MEI1: variants seen among roughly 807,000 people sequenced by gnomAD.
MEI1 encodes meiotic double-stranded break formation protein 1, also known as meiosis inhibitor protein 1.
MEI1 carries 103 observed loss-of-function variants against 146.2 expected under a neutral mutation model. The observed-to-expected ratio is 0.70, with a 90% CI of 0.60 to 0.83. MEI1 has a LOEUF of 0.83. MEI1 is among the 40% of genes least tolerant of loss of function. MEI1 has a pLI of 0.00. For missense variants in MEI1, 1,529 were observed against 1,533.0 expected (o/e 1.00, Z 0.04); for synonymous variants, 652 against 628.2 (o/e 1.04, Z -0.57).
At chr22:41,735,362 G>A (rs1482781551) in intron 11 of MEI1, among the ~76,000 whole-genome samples, 1 of 150,876 alleles carries the variant, frequency 6.6e-6, no homozygotes, top group Admixed American at 6.7e-5. Context: ...AGCCTCCCGA[G>A]TAGCTGGGAT....
At chr22:41,772,368 C>T (rs557481243) in intron 20 of MEI1, among the ~76,000 whole-genome samples, 16 of 152,158 alleles carry the variant, frequency 1.1e-4, no homozygotes, top group African/African-American at 3.4e-4. Flanking sequence ...ATTGGCTGGG[C>T]GTGGCAGCTC....
At chr22:41,762,547 C>G (rs1352848771) in intron 18 of MEI1, among the ~76,000 whole-genome samples, 1 of 145,414 alleles carries the variant, frequency 6.9e-6, no homozygotes, top group African/African-American at 2.6e-5. Flanking sequence ...GCTAATTTAA[C>G]TGATTTTTTT....
chr22:41,733,202 C>T (rs778360789), intron 11 of MEI1, among the ~76,000 whole-genome samples: 4 of 152,032 alleles, frequency 2.6e-5, no homozygotes, highest in Non-Finnish European at 5.9e-5. Context: ...GTAATCCCAG[C>T]ACTTTGGGAG....
At chr22:41,744,160 G>A (rs547206069) in intron 12 of MEI1, among the ~76,000 whole-genome samples, 174 of 151,630 alleles carry the variant, frequency 1.1e-3, no homozygotes, top group African/African-American at 4.1e-3. Flanking sequence ...CCACTGCGCT[G>A]GGCCCCTGCT....
At chr22:41,757,409 G>C (rs960875799) in intron 17 of MEI1, among the ~76,000 whole-genome samples, 13 of 151,980 alleles carry the variant, frequency 8.6e-5, no homozygotes, top group African/African-American at 2.7e-4. Flanking sequence ...TCAGGCTGGA[G>C]TGCAATGGTG....
At chr22:41,735,220 C>T (rs1458609322) in intron 11 of MEI1, among the ~76,000 whole-genome samples, 7 of 149,432 alleles carry the variant, frequency 4.7e-5, no homozygotes, top group Non-Finnish European at 1.0e-4. Flanking sequence ...CTTCGGCCTC[C>T]CAAAGTGTTT....
At chr22:41,740,977 C>T (rs985852222) in intron 11 of MEI1, among the ~76,000 whole-genome samples, 1 of 152,146 alleles carries the variant, frequency 6.6e-6, no homozygotes, top group Non-Finnish European at 1.5e-5. Context: ...GTGATGTGAT[C>T]TTGGCTCGCT....
At chr22:41,767,713 G>T (rs2074947091) in intron 19 of MEI1, 1 of 421,692 alleles carries the variant, frequency 2.4e-6, no homozygotes, top group Non-Finnish European at 5.0e-6. Flanking sequence ...GGTACCATGT[G>T]GGGCCCTGTC....
chr22:41,773,627 G>C (rs1481821546), intron 20 of MEI1, among the ~76,000 whole-genome samples: 4 of 151,286 alleles, frequency 2.6e-5, no homozygotes, highest in Admixed American at 2.0e-4. Context: ...TGTAATCCCA[G>C]CGCTTTGGGA....
intron 18 of MEI1, among the ~76,000 whole-genome samples, chr22:41,759,902 G>A (rs943480554): frequency 4.6e-5 from 7 of 152,016 alleles, no homozygotes; most frequent in African/African-American, 9.7e-5. Context: ...GGCCGGGTAC[G>A]GTGGCTCACA....
intron 18 of MEI1, among the ~76,000 whole-genome samples, chr22:41,761,922 G>C (rs954952643): frequency 6.6e-6 from 1 of 152,168 alleles, no homozygotes; most frequent in African/African-American, 2.4e-5. Flanking sequence ...TATCATTTTA[G>C]AAGTCCATCC....
rs548003459 is a variant in MEI1 at position 41,719,647 on chromosome 22, A to G, written c.733+1373A>G. Among the ~76,000 whole-genome samples, 4 of 152,314 alleles carry G rather than the reference A, an allele frequency of 2.6e-5. No homozygotes were observed. In the South Asian group the frequency reaches 8.3e-4, roughly 32 times the overall value. On this transcript the variant is annotated intron_variant, in intron 6 of 30. Coordinates refer to ENST00000401548, the MANE Select transcript of MEI1 (RefSeq NM_152513.4). ...CCTGATACCGCTGCATTGGGGATTC[A>G]GTTTCCAACACATGAACTTTGGGGA...
chr22:41,749,574 C>A (rs2073602544), intron 15 of MEI1, among the ~76,000 whole-genome samples: 1 of 152,172 alleles, frequency 6.6e-6, no homozygotes, highest in Non-Finnish European at 1.5e-5. Flanking sequence ...CACGCCTGGC[C>A]TGGAATTTGG....
chr22:41,704,504 C>A (rs1316642315), intron 2 of MEI1, among the ~76,000 whole-genome samples: 1 of 151,842 alleles, frequency 6.6e-6, no homozygotes, highest in Non-Finnish European at 1.5e-5. Context: ...ACCTCCACCT[C>A]CTGAGTTCAA....
intron 26 of MEI1, among the ~76,000 whole-genome samples, chr22:41,790,259 T>G (rs1335727066): frequency 6.6e-6 from 1 of 152,152 alleles, no homozygotes; most frequent in African/African-American, 2.4e-5. Context: ...ATTTTTTGTA[T>G]GTTTAGTAGA....
chr22:41,770,828 G>C lies in MEI1; in HGVS notation c.2411G>C (p.Trp804Ser). The change falls in exon 20 of 31, where the codon TGG becomes TCG. Residue 804 changes from tryptophan (W) to serine (S), a missense_variant. This residue lies in a region of MEI1 where 1,212 missense variants were observed against 1,178.9 expected (regional missense o/e 1.03). Transcript: ENST00000401548. ...TATGGGCACCGTGTCCTGGAACTTT[G>C]GTTCTTCTGGGAAGAGAGCAGCTAT... The part of the protein sequence containing the change: ...SRYGHRVLEL[W>S]FFWEESSYEE... 1 of 1,613,934 alleles carries C rather than the reference G, an allele frequency of 6.2e-7. No individual in the cohort carries two copies. The highest frequency in any genetic ancestry group is 8.5e-7 in the Non-Finnish European group (1 of 1,179,896).
intron 15 of MEI1, among the ~76,000 whole-genome samples, chr22:41,751,643 G>A (rs1284922681): frequency 6.6e-6 from 1 of 152,040 alleles, no homozygotes; most frequent in African/African-American, 2.4e-5. Context: ...GTGGTGGCGC[G>A]TGGCTGTAAT....
intron 1 of MEI1, 128 bp downstream of exon 1, chr22:41,699,840 C>G (rs1256823355): frequency 8.4e-7 from 1 of 1,193,560 alleles, no homozygotes; most frequent in Non-Finnish European, 1.1e-6. Context: ...TGTGTTCACT[C>G]TCCTCCCTGT....
At chr22:41,720,873 G>T (rs143135928) in intron 6 of MEI1, among the ~76,000 whole-genome samples, 1 of 151,936 alleles carries the variant, frequency 6.6e-6, no homozygotes, top group Non-Finnish European at 1.5e-5. Flanking sequence ...CCAGGTTCAC[G>T]CCATTCTCCT....
Sources: allele counts gnomAD v4.1 joint callset (sites outside exome capture counted in the v4.1 genomes callset), GRCh38; gene constraint gnomAD v4.1.1; regional missense constraint gnomAD v4.1.1; transcripts MANE v1.5; gene names NCBI Gene and HGNC (gene_info 2026-07-23, HGNC 2026-07-21).